Variants in LRRC37A2 observed in about 807,000 individuals in gnomAD.
LRRC37A2 encodes leucine-rich repeat-containing protein 37A2.
LRRC37A2 carries 9 observed loss-of-function variants against 68.8 expected under a neutral mutation model. That is an observed-to-expected ratio of 0.13 (90% CI 0.08 to 0.23). The LOEUF (loss-of-function observed/expected upper bound fraction) is 0.23. LRRC37A2 is among the 10% of genes least tolerant of loss of function. LRRC37A2 has a pLI of 1.00. For synonymous variants in LRRC37A2, 63 were observed against 367.6 expected, an observed-to-expected ratio of 0.17 and a Z score of 9.48; for missense variants, 168 against 950.4, an observed-to-expected ratio of 0.18 and a Z score of 10.82.
At chr17:46,392,000 G>A in the LRRC37A2 span, among the ~76,000 whole-genome samples, 1 of 47,150 alleles carries the variant, frequency 2.1e-5, no homozygotes, top group Non-Finnish European at 4.7e-5. Context: ...ATATTTATTA[G>A]TAAGCTGAAT....
At chr17:46,945,507 G>A in the LRRC37A2 span, among the ~76,000 whole-genome samples, 2 of 152,164 alleles carry the variant, frequency 1.3e-5, no homozygotes, top group African/African-American at 4.8e-5. Flanking sequence ...CTAACCTTGG[G>A]CTTAATCACT....
chr17:46,589,486 C>CA, the LRRC37A2 span, among the ~76,000 whole-genome samples: 1 of 97,542 alleles, frequency 1.0e-5, no homozygotes, highest in Non-Finnish European at 1.8e-5. Flanking sequence ...AGGCGCCCGC[C>CA]ACCACGCCCG....
chr17:46,950,763 G>T, the LRRC37A2 span, among the ~76,000 whole-genome samples: 5,736 of 152,276 alleles, frequency 0.038, 209 homozygotes, highest in African/African-American at 0.097. Flanking sequence ...GTAGTTCAGT[G>T]GGCTGAGACA....
At chr17:46,860,653 T>G in the LRRC37A2 span, among the ~76,000 whole-genome samples, 1 of 152,248 alleles carries the variant, frequency 6.6e-6, no homozygotes, top group Non-Finnish European at 1.5e-5. Context: ...AATCTAGTGA[T>G]CTGCCTTACA....
At chr17:46,772,729 G>A in the LRRC37A2 span, among the ~76,000 whole-genome samples, 3 of 152,150 alleles carry the variant, frequency 2.0e-5, no homozygotes. Flanking sequence ...ACCGGTAAAG[G>A]GGAACTGCAC....
chr17:46,733,475 G>A, the LRRC37A2 span, among the ~76,000 whole-genome samples: 1 of 152,214 alleles, frequency 6.6e-6, no homozygotes, highest in South Asian at 2.1e-4. Context: ...ACTGTTTAAT[G>A]CTGGGTTTGA....
the LRRC37A2 span, among the ~76,000 whole-genome samples, chr17:46,473,857 T>C: frequency 1.0e-5 from 1 of 97,636 alleles, no homozygotes; most frequent in Non-Finnish European, 2.3e-5. Context: ...GATTGCGTCA[T>C]TGCACTCCAG....
chr17:46,849,188 T>A, the LRRC37A2 span, among the ~76,000 whole-genome samples: 1 of 152,224 alleles, frequency 6.6e-6, no homozygotes, highest in East Asian at 1.9e-4. Context: ...AGCATCCATC[T>A]AAATATTTTC....
chr17:46,819,803 C>T, the LRRC37A2 span, among the ~76,000 whole-genome samples: 3 of 152,244 alleles, frequency 2.0e-5, no homozygotes, highest in African/African-American at 2.4e-5. This position sits in a 1 kb window ranked among gnomAD's most constrained non-coding sequence, Gnocchi z 5.3. Context: ...CCTCTCCTCT[C>T]CCTCTCCAGA....
chr17:46,680,256 A>C, the LRRC37A2 span, among the ~76,000 whole-genome samples: 1 of 151,812 alleles, frequency 6.6e-6, no homozygotes, highest in East Asian at 1.9e-4. Context: ...ATAGTAATTG[A>C]AACAATGTTA....
the LRRC37A2 span, among the ~76,000 whole-genome samples, chr17:46,743,875 T>C: frequency 4.6e-5 from 7 of 152,200 alleles, no homozygotes; most frequent in Non-Finnish European, 7.3e-5. Flanking sequence ...CGAGTCTGCC[T>C]TTTGCTGATT....
the LRRC37A2 span, among the ~76,000 whole-genome samples, chr17:46,913,663 G>A: frequency 6.6e-6 from 1 of 152,234 alleles, no homozygotes; most frequent in Non-Finnish European, 1.5e-5. Flanking sequence ...CGAGGGCTCT[G>A]TCTGCCACGA....
the LRRC37A2 span, among the ~76,000 whole-genome samples, chr17:46,996,889 G>A: frequency 1.5e-4 from 23 of 152,150 alleles, no homozygotes; most frequent in African/African-American, 5.3e-4. Flanking sequence ...AGTTCCTTCA[G>A]CCCCTCTGAC....
the LRRC37A2 span, among the ~76,000 whole-genome samples, chr17:46,901,801 G>T: frequency 1.1e-4 from 15 of 134,396 alleles, no homozygotes; most frequent in African/African-American, 2.8e-4. Flanking sequence ...AATGGAGCAA[G>T]AATTTTTTTT....
chr17:46,780,629 A>T, the LRRC37A2 span, among the ~76,000 whole-genome samples: 9 of 152,278 alleles, frequency 5.9e-5, no homozygotes, highest in Non-Finnish European at 1.3e-4. Context: ...ACAAAAAATT[A>T]GCCGGGCGTG....
chr17:46,897,342 G>A, the LRRC37A2 span, among the ~76,000 whole-genome samples: 1 of 152,206 alleles, frequency 6.6e-6, no homozygotes, highest in South Asian at 2.1e-4. Flanking sequence ...ATAGTCATTA[G>A]CAGGACCACT....
the LRRC37A2 span, among the ~76,000 whole-genome samples, chr17:46,881,645 C>T: frequency 4.6e-5 from 7 of 152,186 alleles, no homozygotes; most frequent in Non-Finnish European, 7.3e-5. Flanking sequence ...CAAACAGGCC[C>T]GCAGACCCCT....
chr17:46,731,833 C>T, the LRRC37A2 span, among the ~76,000 whole-genome samples: 2 of 152,170 alleles, frequency 1.3e-5, no homozygotes, highest in East Asian at 1.9e-4. Flanking sequence ...GAATCAGTAA[C>T]AGGATAAATT....
the LRRC37A2 span, among the ~76,000 whole-genome samples, chr17:46,390,501 AAC>A: frequency 8.9e-6 from 1 of 111,778 alleles, no homozygotes; most frequent in African/African-American, 3.0e-5. Flanking sequence ...CATCCTGGCT[AAC>A]ACAGTGAAAC....
Sources: allele counts gnomAD v4.1 joint callset (sites outside exome capture counted in the v4.1 genomes callset), GRCh38; gene constraint gnomAD v4.1.1; non-coding constraint Gnocchi (gnomAD v3.1); transcripts MANE v1.5; gene names NCBI Gene and HGNC (gene_info 2026-07-23, HGNC 2026-07-21).